Variants in CDK8 observed in about 807,000 individuals in gnomAD.
The protein encoded by CDK8 is cyclin dependent kinase 8.
Under a neutral mutation model 71.5 loss-of-function variants are expected in CDK8, and 29 were observed. That is an observed-to-expected ratio of 0.41 (90% confidence interval 0.30 to 0.55). The LOEUF (loss-of-function observed/expected upper bound fraction) is 0.55, where lower values mean the gene tolerates loss of function less well. CDK8 is among the 20% of genes least tolerant of loss of function. The pLI, the probability that CDK8 is intolerant of heterozygous loss-of-function variation, is 0.37. For missense variants in CDK8, 288 were observed against 572.6 expected (o/e 0.50, Z 5.07); for synonymous variants, 161 against 192.1 (o/e 0.84, Z 1.34).
chr13:26,347,005 A>G (rs1014570104), intron 2 of CDK8, among the ~76,000 whole-genome samples: 2 of 152,126 alleles, frequency 1.3e-5, no homozygotes, highest in Non-Finnish European at 2.9e-5. Context: ...GCACATTTGG[A>G]AGGCACTGTT....
intron 1 of CDK8, among the ~76,000 whole-genome samples, chr13:26,315,855 T>C (rs1182460663): frequency 1.3e-5 from 2 of 152,182 alleles, no homozygotes; most frequent in African/African-American, 4.8e-5. Flanking sequence ...ACCAGGAACT[T>C]GTCTCTTTCT....
In CDK8 at chr13:26,374,057, T is replaced by C. The variant is rs1186628577; in HGVS notation, c.457-8757T>C. On this transcript the variant is annotated intron_variant, in intron 4 of 12. Coordinates refer to ENST00000381527, the MANE Select transcript of CDK8 (RefSeq NM_001260.3). ...AAAAAACAAAAAACAAAAAATTAGC[T>C]GGGCGTGGTGGTGGGTGCCTGTAGT... is the stretch of plus-strand genomic sequence containing the variant. Among the ~76,000 whole-genome samples the C allele has an allele frequency of 1.2e-4, 18 of 146,606 alleles. 1 individual carries two copies. The highest frequency in any genetic ancestry group is 4.3e-4 in the African/African-American group (17 of 39,750).
intron 1 of CDK8, among the ~76,000 whole-genome samples, chr13:26,289,823 T>G (rs1014688034): frequency 6.6e-6 from 1 of 152,230 alleles, no homozygotes; most frequent in African/African-American, 2.4e-5. Flanking sequence ...GTGCTGGGAT[T>G]ACAGGCGTGA....
rs566771492 is a variant in CDK8 at position 26,351,590 on chromosome 13, G to A, written c.316-2150G>A. Among the ~76,000 whole-genome samples, 4 of 152,232 alleles carry A rather than the reference G, an allele frequency of 2.6e-5. 1 individual carries two copies. The highest frequency in any genetic ancestry group is 9.6e-5 in the African/African-American group (4 of 41,556). ...ATTTCACTCAATGTGATTTCTAGCT[G>A]CTAGTTTGTAATATTTAATTTTACA... On this transcript the variant is annotated intron_variant, in intron 3 of 12. Transcript: ENST00000381527.
At chr13:26,259,657 G>T (rs1871685596) in intron 1 of CDK8, among the ~76,000 whole-genome samples, 1 of 152,134 alleles carries the variant, frequency 6.6e-6, no homozygotes, top group Admixed American at 6.5e-5. Flanking sequence ...TTTAGGCCAC[G>T]TTGAGATTTC....
chr13:26,403,848 C>A, intron 12 of CDK8, 108 bp from the exon 13 acceptor site: 2 of 1,362,164 alleles, frequency 1.5e-6, no homozygotes, highest in Non-Finnish European at 2.0e-6. Flanking sequence ...TAGCACAAAA[C>A]CTATACATCC....
At chr13:26,381,386 A>G (rs1875218989) in intron 4 of CDK8, among the ~76,000 whole-genome samples, 1 of 151,712 alleles carries the variant, frequency 6.6e-6, no homozygotes, top group South Asian at 2.1e-4. Context: ...AAACAATTTT[A>G]TTTGTCCTGG....
chr13:26,365,286 A>G (rs554070081), intron 4 of CDK8, among the ~76,000 whole-genome samples: 3 of 152,290 alleles, frequency 2.0e-5, no homozygotes, highest in African/African-American at 7.2e-5. Context: ...TCTTACTTAA[A>G]TGACCAGCTG....
At chr13:26,315,646 G>A (rs976835989) in intron 1 of CDK8, among the ~76,000 whole-genome samples, 1 of 152,140 alleles carries the variant, frequency 6.6e-6, no homozygotes, top group Non-Finnish European at 1.5e-5. Flanking sequence ...TAGCATTGTG[G>A]TTGAGGATGT....
rs150973468 is a variant in CDK8, at chr13:26,258,776, C to T, written c.128+4007C>T. Among the ~76,000 whole-genome samples, 203 of 152,098 alleles carry T rather than the reference C, an allele frequency of 1.3e-3. 1 individual carries two copies. Among genetic ancestry groups the T allele is most frequent in the Admixed American group, 5.2e-3 (80 of 15,276 alleles). On this transcript the variant is annotated intron_variant, in intron 1 of 12. Transcript: ENST00000381527. ...TTTTTTGCAAGATTAGGCAAACAAC[C>T]ACTAAAAAATTTTACTTTAGATGAT...
intron 1 of CDK8, among the ~76,000 whole-genome samples, chr13:26,297,960 G>A (rs1043728823): frequency 6.6e-6 from 1 of 152,032 alleles, no homozygotes; most frequent in African/African-American, 2.4e-5. Flanking sequence ...GAAAGAGGCG[G>A]GAGAGCTCTC....
chr13:26,357,263 T>C (rs1166783740), intron 4 of CDK8, among the ~76,000 whole-genome samples: 2 of 152,172 alleles, frequency 1.3e-5, no homozygotes, highest in African/African-American at 4.8e-5. Context: ...CTGGAAATCT[T>C]TTTGAGCTGA....
intron 1 of CDK8, among the ~76,000 whole-genome samples, chr13:26,331,948 G>A (rs987284491): frequency 6.6e-6 from 1 of 151,976 alleles, no homozygotes; most frequent in African/African-American, 2.4e-5. Context: ...CATGGGCCTG[G>A]GATGTTTTTC....
At chr13:26,358,810 A>G (rs558525374) in intron 4 of CDK8, among the ~76,000 whole-genome samples, 43 of 152,302 alleles carry the variant, frequency 2.8e-4, no homozygotes, top group African/African-American at 8.9e-4. Flanking sequence ...ATATTATTCA[A>G]CCTTAAAAAG....
At chr13:26,291,608 G>A (rs536873637) in intron 1 of CDK8, among the ~76,000 whole-genome samples, 2 of 152,242 alleles carry the variant, frequency 1.3e-5, no homozygotes, top group South Asian at 4.2e-4. Context: ...TTGATTACAA[G>A]AAGCAAGGAC....
At chr13:26,335,955 G>T (rs10162022) in intron 1 of CDK8, among the ~76,000 whole-genome samples, 2 of 135,184 alleles carry the variant, frequency 1.5e-5, no homozygotes, top group Non-Finnish European at 3.3e-5. Context: ...AACAACAACA[G>T]ACCTTTAAAG....
At chr13:26,388,301 G>A (rs1009210401) in intron 6 of CDK8, among the ~76,000 whole-genome samples, 2 of 151,996 alleles carry the variant, frequency 1.3e-5, no homozygotes, top group Admixed American at 6.6e-5. Flanking sequence ...ACAATATTTA[G>A]TTAAGTCAGT....
intron 1 of CDK8, among the ~76,000 whole-genome samples, chr13:26,299,845 C>A (rs1228273263): frequency 6.6e-6 from 1 of 152,148 alleles, no homozygotes; most frequent in Non-Finnish European, 1.5e-5. Context: ...GGTCAACAAA[C>A]CCTTTTCTGT....
At chr13:26,255,971 A>G (rs1053413322) in intron 1 of CDK8, among the ~76,000 whole-genome samples, 7 of 152,204 alleles carry the variant, frequency 4.6e-5, no homozygotes, top group African/African-American at 1.7e-4. Flanking sequence ...AGGAAAGTGT[A>G]TATTTATTGG....
Sources: allele counts gnomAD v4.1 joint callset (sites outside exome capture counted in the v4.1 genomes callset), GRCh38; gene constraint gnomAD v4.1.1; transcripts MANE v1.5; gene names NCBI Gene and HGNC (gene_info 2026-07-23, HGNC 2026-07-21).